COMMD10: variants seen among roughly 807,000 people sequenced by gnomAD.
COMMD10 encodes COMM domain-containing protein 10.
A neutral mutation model predicts 28.9 loss-of-function variants in COMMD10; 33 were observed. The observed-to-expected ratio is 1.14, with a 90% CI of 0.87 to 1.53. COMMD10 has a LOEUF of 1.53. COMMD10 is among the 40% of genes most tolerant of loss of function. The pLI, the probability that COMMD10 is intolerant of heterozygous loss-of-function variation, is 0.00. For synonymous variants in COMMD10, 110 were observed against 81.7 expected (o/e 1.35, Z -1.87); for missense variants, 310 against 233.4 (o/e 1.33, Z -2.14).
chr5:116,207,083 C>T (rs1034982797), intron 5 of COMMD10, among the ~76,000 whole-genome samples: 16 of 151,966 alleles, frequency 1.1e-4, no homozygotes, highest in Non-Finnish European at 7.4e-5. Context: ...TGTTTTTGTC[C>T]TTGAACTGAG....
chr5:116,133,985 C>T (rs1751944191), intron 4 of COMMD10, 83 bp from the exon 5 acceptor site: 2 of 811,870 alleles, frequency 2.5e-6, no homozygotes, highest in Admixed American at 1.8e-5. Flanking sequence ...CATATACATT[C>T]CTGCTGAGTG....
intron 5 of COMMD10, among the ~76,000 whole-genome samples, chr5:116,221,724 G>A (rs1177838807): frequency 6.6e-6 from 1 of 152,178 alleles, no homozygotes; most frequent in African/African-American, 2.4e-5. Context: ...AAAGGTGCAG[G>A]ATAGCTTCTG....
chr5:116,231,708 TA>T (rs752205904), intron 5 of COMMD10, among the ~76,000 whole-genome samples: 19 of 152,170 alleles, frequency 1.2e-4, no homozygotes, highest in Non-Finnish European at 2.4e-4. Flanking sequence ...TTTGCTCTTT[TA>T]AAATTCTCAT....
At chr5:116,223,003 C>G (rs912314486) in intron 5 of COMMD10, among the ~76,000 whole-genome samples, 22 of 152,072 alleles carry the variant, frequency 1.4e-4, no homozygotes, top group Admixed American at 1.1e-3. Context: ...CTTTTTAATA[C>G]TATGGTTATT....
At chr5:116,147,396 G>A (rs999988316) in intron 5 of COMMD10, among the ~76,000 whole-genome samples, 3 of 151,756 alleles carry the variant, frequency 2.0e-5, no homozygotes, top group South Asian at 4.1e-4. Context: ...TAATATAATC[G>A]AATTTTTACA....
intron 5 of COMMD10, among the ~76,000 whole-genome samples, chr5:116,264,149 C>T: frequency 6.6e-6 from 1 of 151,700 alleles, no homozygotes; most frequent in Non-Finnish European, 1.5e-5. Context: ...TCCCAACTAC[C>T]TCTTGCTGTA....
chr5:116,142,500 A>T (rs753264877), intron 5 of COMMD10, among the ~76,000 whole-genome samples: 2 of 151,856 alleles, frequency 1.3e-5, no homozygotes, highest in Non-Finnish European at 2.9e-5. Context: ...AAAACAAAAC[A>T]TCTTATTTAG....
chr5:116,118,614 A>G (rs970410929), intron 4 of COMMD10, among the ~76,000 whole-genome samples: 56 of 152,192 alleles, frequency 3.7e-4, no homozygotes, highest in African/African-American at 1.3e-3. Flanking sequence ...TTGTACTTCA[A>G]GCCTTTTTGT....
intron 5 of COMMD10, among the ~76,000 whole-genome samples, chr5:116,190,100 C>T (rs892972731): frequency 7.9e-5 from 12 of 152,110 alleles, no homozygotes; most frequent in African/African-American, 2.9e-4. Flanking sequence ...ATCAGGGTAC[C>T]TCCACTGAAA....
intron 4 of COMMD10, among the ~76,000 whole-genome samples, chr5:116,123,475 A>G (rs1328962801): frequency 1.3e-5 from 2 of 152,160 alleles, no homozygotes; most frequent in East Asian, 3.8e-4. Flanking sequence ...GTTTGCCAGT[A>G]TTTTATTGAG....
At chr5:116,289,798 T>G (rs1375590837) in intron 5 of COMMD10, among the ~76,000 whole-genome samples, 1 of 151,850 alleles carries the variant, frequency 6.6e-6, no homozygotes, top group South Asian at 2.1e-4. Context: ...TTTATAATGG[T>G]GTGGGTGCTG....
At chr5:116,251,398 C>T (rs1750115014) in intron 5 of COMMD10, among the ~76,000 whole-genome samples, 1 of 145,088 alleles carries the variant, frequency 6.9e-6, no homozygotes, top group Non-Finnish European at 1.5e-5. Context: ...CCCACTAACT[C>T]GTCATCTAGC....
intron 5 of COMMD10, among the ~76,000 whole-genome samples, chr5:116,141,687 G>C (rs1360385278): frequency 6.6e-6 from 1 of 151,732 alleles, no homozygotes; most frequent in South Asian, 2.1e-4. Context: ...AGTAGCGGGG[G>C]GCTGGGAAGA....
intron 4 of COMMD10, among the ~76,000 whole-genome samples, chr5:116,109,467 G>A (rs1000553255): frequency 1.3e-5 from 2 of 152,124 alleles, no homozygotes; most frequent in Admixed American, 1.3e-4. Flanking sequence ...GCTGGTGCGT[G>A]CCTGTAATCC....
At chr5:116,285,045 T>C (rs1751180399) in intron 5 of COMMD10, among the ~76,000 whole-genome samples, 1 of 151,704 alleles carries the variant, frequency 6.6e-6, no homozygotes, top group African/African-American at 2.4e-5. Context: ...TCTGGTTTTA[T>C]AAGCAAACTT....
intron 5 of COMMD10, among the ~76,000 whole-genome samples, chr5:116,158,114 A>ATTCC (rs1311680705): frequency 5.3e-5 from 7 of 132,604 alleles, no homozygotes; most frequent in Middle Eastern, 9.0e-3. Flanking sequence ...CTGCCTGCAG[A>ATTCC]TTCCTTCCTC....
chr5:116,184,303 A>T, intron 5 of COMMD10, among the ~76,000 whole-genome samples: 1 of 94,030 alleles, frequency 1.1e-5, no homozygotes, highest in South Asian at 4.2e-4. Context: ...TTTCTTAACT[A>T]TATATCTGAC....
At chr5:116,195,576 G>A (rs1021364776) in intron 5 of COMMD10, among the ~76,000 whole-genome samples, 1 of 151,890 alleles carries the variant, frequency 6.6e-6, no homozygotes, top group African/African-American at 2.4e-5. Flanking sequence ...AAATAAATAA[G>A]TAAGATACGT....
At chr5:116,235,679 T>C (rs745569469) in intron 5 of COMMD10, among the ~76,000 whole-genome samples, 2 of 152,178 alleles carry the variant, frequency 1.3e-5, no homozygotes, top group Non-Finnish European at 2.9e-5. Flanking sequence ...ATTTCCTCCA[T>C]TGTGTCCTGG....
Sources: gnomAD v4.1 joint callset for allele counts (sites outside exome capture counted in the v4.1 genomes callset) on GRCh38, gnomAD v4.1.1 for gene constraint, MANE v1.5 for transcripts, NCBI Gene and HGNC (gene_info 2026-07-23, HGNC 2026-07-21) for gene names.